Variants in ANK3 observed in about 807,000 individuals in gnomAD.
The protein encoded by ANK3 is ankyrin-3.
Under a neutral mutation model 370.9 loss-of-function variants are expected in ANK3, and 57 were observed. That is an observed-to-expected ratio of 0.15 (90% confidence interval 0.12 to 0.19). The LOEUF is 0.19. ANK3 is among the 10% of genes least tolerant of loss of function. ANK3 has a pLI of 1.00. For missense variants in ANK3, 4,439 were observed against 5,302.1 expected (o/e 0.84, Z 5.06); for synonymous variants, 1,929 against 1,946.3 (o/e 0.99, Z 0.23).
At chr10:60,306,398 A>G (rs2132826205) in intron 1 of ANK3, among the ~76,000 whole-genome samples, 1 of 150,946 alleles carries the variant, frequency 6.6e-6, no homozygotes, top group South Asian at 2.1e-4. Context: ...ACTTCTTTTT[A>G]TGGCTGAGTA....
intron 5 of ANK3, among the ~76,000 whole-genome samples, chr10:60,266,931 A>G (rs1229734234): frequency 6.6e-6 from 1 of 152,218 alleles, no homozygotes; most frequent in Non-Finnish European, 1.5e-5. Flanking sequence ...GGAATAAACG[A>G]ACAAACAAAT....
At chr10:60,533,188 G>A (rs1463842467) in intron 2 of ANK3, among the ~76,000 whole-genome samples, 1 of 152,076 alleles carries the variant, frequency 6.6e-6, no homozygotes, top group Non-Finnish European at 1.5e-5. Context: ...ACCAGGCCTT[G>A]GAAGGCACAG....
intron 18 of ANK3, among the ~76,000 whole-genome samples, chr10:60,179,142 C>T (rs2096067626): frequency 6.6e-6 from 1 of 152,104 alleles, no homozygotes; most frequent in South Asian, 2.1e-4. Flanking sequence ...TGTGAACATT[C>T]CTGGGATACA....
At position 60,088,195 on chromosome 10, in the gene ANK3, T is replaced by C. The variant is rs779209135; in HGVS notation, c.3492A>G (p.Ala1164=). Residue 1164 remains alanine, a synonymous_variant, in exon 29 of 44, where the codon GCA becomes GCG. Transcript: ENST00000280772. ...LSSTTVPLVQ[A]SFPEGALTKR... ...TAGTTAGGGCACCCTCTGGGAAAGA[T>C]GCTTGAACAAGGGGCACTGTGGTGC... The C allele has an allele frequency of 6.8e-6, 11 of 1,614,108 alleles. No homozygotes were observed. The highest frequency in any genetic ancestry group is 1.3e-5 in the African/African-American group (1 of 74,954).
chr10:60,132,893 G>A (rs1359544488), intron 25 of ANK3, among the ~76,000 whole-genome samples: 1 of 152,276 alleles, frequency 6.6e-6, no homozygotes, highest in East Asian at 1.9e-4. Context: ...TGGGATTACA[G>A]GTGTGACCCA....
intron 28 of ANK3, 45 bp downstream of exon 28, chr10:60,105,860 T>C: frequency 6.5e-7 from 1 of 1,535,928 alleles, no homozygotes. Flanking sequence ...TTCCTTTAAT[T>C]TCTGCCTGCA....
At chr10:60,499,414 A>C (rs546584106) in intron 2 of ANK3, among the ~76,000 whole-genome samples, 2 of 152,316 alleles carry the variant, frequency 1.3e-5, no homozygotes, top group Non-Finnish European at 2.9e-5. Context: ...ATAAGTCATC[A>C]ATAAAGGAAA....
intron 2 of ANK3, among the ~76,000 whole-genome samples, chr10:60,566,930 G>A (rs547767138): frequency 5.3e-4 from 81 of 152,266 alleles, no homozygotes; most frequent in Non-Finnish European, 1.0e-3. Context: ...GCATGGCCCC[G>A]ACTCTGCAAT....
At chr10:60,094,626 G>A (rs531228125) in intron 28 of ANK3, among the ~76,000 whole-genome samples, 40 of 152,164 alleles carry the variant, frequency 2.6e-4, no homozygotes, top group Non-Finnish European at 5.4e-4. Flanking sequence ...CTTTTGTAAA[G>A]AAAGGCATAA....
intron 2 of ANK3, among the ~76,000 whole-genome samples, chr10:60,426,744 G>A (rs1249048810): frequency 1.3e-5 from 2 of 152,118 alleles, no homozygotes; most frequent in Non-Finnish European, 2.9e-5. Flanking sequence ...TATAGCTTTA[G>A]AAGCTTTTAG....
chr10:60,078,498 G>A (rs145076042), intron 36 of ANK3, among the ~76,000 whole-genome samples: 166 of 152,316 alleles, frequency 1.1e-3, no homozygotes, highest in African/African-American at 3.8e-3. Flanking sequence ...CACTGACAAA[G>A]CATCTATCCT....
chr10:60,379,452 A>G (rs1345760494), intron 1 of ANK3, among the ~76,000 whole-genome samples: 1 of 152,182 alleles, frequency 6.6e-6, no homozygotes. Flanking sequence ...AATAGCCAAG[A>G]TATGAAATCA....
intron 2 of ANK3, among the ~76,000 whole-genome samples, chr10:60,482,484 T>G (rs2075248059): frequency 6.8e-6 from 1 of 146,030 alleles, no homozygotes; most frequent in Admixed American, 7.1e-5. Context: ...TCAAAACTAC[T>G]CTCTAACAAC....
intron 2 of ANK3, among the ~76,000 whole-genome samples, chr10:60,488,540 C>T (rs930725824): frequency 2.6e-5 from 4 of 152,148 alleles, no homozygotes; most frequent in Admixed American, 2.6e-4. Flanking sequence ...AAAAGAAACC[C>T]CATCCCCACT....
chr10:60,417,772 A>G (rs546069975), intron 2 of ANK3, among the ~76,000 whole-genome samples: 2 of 152,318 alleles, frequency 1.3e-5, no homozygotes, highest in African/African-American at 4.8e-5. Flanking sequence ...ATTCTGGGGA[A>G]GGAACATTAA....
At chr10:60,095,044 A>C (rs1288382712) in intron 28 of ANK3, among the ~76,000 whole-genome samples, 2 of 152,354 alleles carry the variant, frequency 1.3e-5, no homozygotes, top group East Asian at 3.9e-4. Flanking sequence ...GACCCTCCAC[A>C]CTCAGCTAAC....
chr10:60,488,403 C>A (rs932111714), intron 2 of ANK3, among the ~76,000 whole-genome samples: 4 of 152,156 alleles, frequency 2.6e-5, no homozygotes, highest in Non-Finnish European at 4.4e-5. Context: ...GTTTTGTAAT[C>A]ATTTTATTGA....
At chr10:60,625,724 T>G (rs1471677650) in intron 1 of ANK3, among the ~76,000 whole-genome samples, 3 of 152,194 alleles carry the variant, frequency 2.0e-5, no homozygotes, top group South Asian at 4.1e-4. Flanking sequence ...CATGTAGTTT[T>G]GTTTTATTTG....
chr10:60,202,425 A>C (rs1397592145), intron 12 of ANK3, among the ~76,000 whole-genome samples: 3 of 152,168 alleles, frequency 2.0e-5, no homozygotes, highest in Non-Finnish European at 4.4e-5. Flanking sequence ...GCCCGGCCAC[A>C]CTTTATTTTT....
Sources: allele counts gnomAD v4.1 joint callset (sites outside exome capture counted in the v4.1 genomes callset), GRCh38; gene constraint gnomAD v4.1.1; transcripts MANE v1.5; gene names NCBI Gene and HGNC (gene_info 2026-07-23, HGNC 2026-07-21).